Variants in CCDC88A observed in about 807,000 individuals in gnomAD.
CCDC88A encodes the protein coiled-coil and HOOK domain protein 88A, also known as girdin.
In CCDC88A, 54 loss-of-function variants were observed where a neutral mutation model predicts 234.3. The ratio of observed to expected loss-of-function variants is 0.23; its 90% CI spans 0.19 to 0.29. CCDC88A has a LOEUF of 0.29. CCDC88A is among the 10% of genes least tolerant of loss of function. The pLI is 1.00. For synonymous variants in CCDC88A, 753 were observed against 737.8 expected, an observed-to-expected ratio of 1.02 and a Z score of -0.33; for missense variants, 1,832 against 2,123.4, an observed-to-expected ratio of 0.86 and a Z score of 2.70.
intron 12 of CCDC88A, 120 bp downstream of exon 12, chr2:55,343,528 T>G: frequency 2.8e-6 from 2 of 718,098 alleles, no homozygotes; most frequent in South Asian, 4.5e-5. Flanking sequence ...TGAAATCATA[T>G]CTATGGAGAC....
chr2:55,294,204 C>T (rs1187002884), intron 31 of CCDC88A: 5 of 878,860 alleles, frequency 5.7e-6, no homozygotes, highest in Non-Finnish European at 6.8e-6. Flanking sequence ...CTCTTTGACT[C>T]TCTATAAAAA....
At chr2:55,326,421 T>A (rs1684269797) in intron 17 of CCDC88A, among the ~76,000 whole-genome samples, 1 of 152,218 alleles carries the variant, frequency 6.6e-6, no homozygotes, top group Non-Finnish European at 1.5e-5. Context: ...CTTATACTAT[T>A]CGTATTTAAC....
intron 2 of CCDC88A, among the ~76,000 whole-genome samples, chr2:55,391,363 T>G (rs201980632): frequency 2.4e-5 from 1 of 41,044 alleles, no homozygotes; most frequent in African/African-American, 4.8e-5. Context: ...CACTCCAAAA[T>G]ATAATCATTA....
chr2:55,411,644 T>C (rs1284705470), intron 2 of CCDC88A, among the ~76,000 whole-genome samples: 1 of 151,732 alleles, frequency 6.6e-6, no homozygotes, highest in Non-Finnish European at 1.5e-5. Context: ...CCAGGCACGG[T>C]GGTGGGCACC....
Position 55,334,136 on chromosome 2 carries a change from T to C in CCDC88A, c.2685A>G (p.Lys895=), listed in dbSNP as rs764618594. 2 of 1,336,732 alleles carry C rather than the reference T, an allele frequency of 1.5e-6. No individual in the cohort carries two copies. The highest frequency in any genetic ancestry group is 2.1e-4 in the Middle Eastern group (1 of 4,672). 82.8% of individuals were successfully genotyped at this position (1,336,732 alleles called of 1,614,324 possible). The change falls in exon 15 of 33, where the codon AAA becomes AAG. Residue 895 remains lysine, a synonymous_variant. Coordinates refer to ENST00000436346, the MANE Select transcript of CCDC88A (RefSeq NM_001365480.1). This position sits in a 1 kb window ranked among gnomAD's most constrained non-coding sequence, Gnocchi z 6.1. ...ACGTTTTTATATCAATAGTTGCTCT[T>C]TTCACAAGCTCCTTATTTTCTTTTT... ...ELEKENKELV[K]RATIDIKTLV...
intron 5 of CCDC88A, among the ~76,000 whole-genome samples, chr2:55,370,843 T>TA (rs10606095): frequency 0.031 from 4,140 of 135,330 alleles, 173 homozygotes; most frequent in African/African-American, 0.098. Context: ...CCCCATTTCT[T>TA]AAAAAAAAAA....
intron 22 of CCDC88A, chr2:55,315,465 G>A (rs963379191): frequency 2.0e-5 from 3 of 152,276 alleles, no homozygotes; most frequent in African/African-American, 7.2e-5. Flanking sequence ...TGACAGTTCT[G>A]TCCAATTTTA....
In CCDC88A at chr2:55,295,655, C is replaced by G; in HGVS notation, c.5493G>C (p.Leu1831=). 1 of 1,614,200 alleles carries G rather than the reference C, an allele frequency of 6.2e-7. No homozygotes were observed. Among genetic ancestry groups the G allele is most frequent in the Non-Finnish European group, 8.5e-7 (1 of 1,180,032 alleles). ...CTGGTGGTGAATCAACTGATATAGG[C>G]AGTCTACTGTCCTTGGTCAAAAAAT... is the stretch of plus-strand genomic sequence containing the variant. The part of the protein sequence containing the change: ...IHDFLTKDSR[L]PISVDSPPAA... Residue 1831 remains leucine, a synonymous_variant, in exon 31 of 33, where the codon CTG becomes CTC. Coordinates refer to ENST00000436346, the MANE Select transcript of CCDC88A (RefSeq NM_001365480.1).
chr2:55,315,800 G>A (rs1313460658), intron 22 of CCDC88A, 128 bp downstream of exon 22: 1 of 481,664 alleles, frequency 2.1e-6, no homozygotes, highest in Admixed American at 3.3e-5. Context: ...AGTGATCCTA[G>A]ACCAAATTCT....
In CCDC88A at chr2:55,419,302, A is replaced by C; in HGVS notation, c.-223T>G. 1 of 531,192 alleles carries C rather than the reference A, an allele frequency of 1.9e-6. No individual in the cohort carries two copies. Among genetic ancestry groups the C allele is most frequent in the East Asian group, 3.3e-5 (1 of 30,702 alleles). The allele number at this position is 531,192 out of a possible 1,614,324, so 32.9% of individuals were successfully genotyped here. A position where few individuals can be genotyped will look rare whatever the true frequency, so the allele number is the denominator to read the frequency against. On this transcript the variant is annotated 5_prime_UTR_variant, in exon 1 of 33. Coordinates refer to ENST00000436346, the MANE Select transcript of CCDC88A (RefSeq NM_001365480.1). ...TTCGACGACGGACACCACGAGCAGC[A>C]GCCTGCGCTGGAAATGTCTGTACCG...
At chr2:55,341,424 C>A (rs1333414097) in intron 12 of CCDC88A, among the ~76,000 whole-genome samples, 1 of 149,466 alleles carries the variant, frequency 6.7e-6, no homozygotes, top group Non-Finnish European at 1.5e-5. Flanking sequence ...AGGTGTGAGC[C>A]ACCATGCCCG....
intron 29 of CCDC88A, among the ~76,000 whole-genome samples, chr2:55,298,289 A>G (rs769307323): frequency 0.059 from 693 of 11,676 alleles, 6 homozygotes; most frequent in Non-Finnish European, 0.4. Flanking sequence ...TTCAAATCAG[A>G]AAAAAAAAAA....
chr2:55,392,225 TAAC>T (rs1355447565), intron 2 of CCDC88A, among the ~76,000 whole-genome samples: 9 of 152,184 alleles, frequency 5.9e-5, no homozygotes, highest in African/African-American at 1.7e-4. Flanking sequence ...AGCACCACCT[TAAC>T]AACTACAGTT....
At chr2:55,373,946 A>C (rs746018854) in intron 4 of CCDC88A, among the ~76,000 whole-genome samples, 17 of 152,216 alleles carry the variant, frequency 1.1e-4, no homozygotes, top group Non-Finnish European at 2.4e-4. Context: ...TAATTTCCTC[A>C]ACTGTTCAAA....
chr2:55,294,468 A>G (rs1679787149), intron 31 of CCDC88A: 1 of 868,828 alleles, frequency 1.2e-6, no homozygotes, highest in Non-Finnish European at 1.4e-6. Context: ...ATTAGTTAAT[A>G]TTTGTTATAT....
At chr2:55,374,929 G>C (rs1673394369) in intron 3 of CCDC88A, 46 bp from the exon 4 acceptor site, 2 of 1,103,876 alleles carry the variant, frequency 1.8e-6, no homozygotes, top group Non-Finnish European at 2.7e-6. Context: ...ATGCTAACTA[G>C]ATAATTATTC....
intron 3 of CCDC88A, among the ~76,000 whole-genome samples, chr2:55,375,497 ATATATATATATATATG>A (rs1297687978): frequency 1.3e-4 from 3 of 23,184 alleles, no homozygotes; most frequent in African/African-American, 3.1e-4. Flanking sequence ...ATATATATAT[ATATATATATATATATG>A]TATGTATGTA....
At chr2:55,404,520 C>A (rs1679234549) in intron 2 of CCDC88A, 1 of 151,602 alleles carries the variant, frequency 6.6e-6, no homozygotes, top group African/African-American at 2.4e-5. Context: ...AGCACTAAGA[C>A]AAACAAAAAT....
intron 3 of CCDC88A, among the ~76,000 whole-genome samples, chr2:55,378,984 G>A (rs1674152186): frequency 6.6e-6 from 1 of 152,094 alleles, no homozygotes; most frequent in African/African-American, 2.4e-5. Flanking sequence ...GACACTGAGT[G>A]ATCCACTCAC....
Sources: allele counts gnomAD v4.1 joint callset (sites outside exome capture counted in the v4.1 genomes callset), GRCh38; gene constraint gnomAD v4.1.1; non-coding constraint Gnocchi (gnomAD v3.1); transcripts MANE v1.5; gene names NCBI Gene and HGNC (gene_info 2026-07-23, HGNC 2026-07-21).